Variants in LRFN5 observed in about 807,000 individuals in gnomAD.
LRFN5 encodes leucine-rich repeat and fibronectin type-III domain-containing protein 5.
LRFN5 carries 24 observed loss-of-function variants against 45.6 expected under a neutral mutation model. That is an observed-to-expected ratio of 0.53 (90% CI 0.38 to 0.74). The LOEUF is 0.74. Among genes scored for constraint, LRFN5 ranks in the 30% least tolerant of loss-of-function variants. LRFN5 has a pLI of 0.00. For missense variants in LRFN5, 776 were observed against 861.5 expected (o/e 0.90, Z 1.24); for synonymous variants, 340 against 313.8 (o/e 1.08, Z -0.88).
At chr14:41,807,894 C>A (rs996362602) in intron 2 of LRFN5, among the ~76,000 whole-genome samples, 6 of 151,858 alleles carry the variant, frequency 4.0e-5, no homozygotes, top group Non-Finnish European at 7.4e-5. Context: ...GAGGCTGACG[C>A]CATCGAAGTG....
intron 1 of LRFN5, among the ~76,000 whole-genome samples, chr14:41,761,056 TAGATA>T (rs772520212): frequency 2.6e-5 from 4 of 152,122 alleles, no homozygotes; most frequent in Non-Finnish European, 4.4e-5. Context: ...AAACTTGAAA[TAGATA>T]AGATATTGAT....
intron 2 of LRFN5, among the ~76,000 whole-genome samples, chr14:41,775,332 G>A (rs1429105080): frequency 1.3e-5 from 2 of 151,928 alleles, no homozygotes; most frequent in East Asian, 1.9e-4. Flanking sequence ...CTCGTGATCC[G>A]CCCACCTCCG....
At chr14:41,788,617 C>T (rs1886813014) in intron 2 of LRFN5, among the ~76,000 whole-genome samples, 1 of 152,038 alleles carries the variant, frequency 6.6e-6, no homozygotes, top group Non-Finnish European at 1.5e-5. Context: ...CTGAAGACAA[C>T]TATAAACAAT....
chr14:41,656,395 A>G (rs1218411716), intron 1 of LRFN5, among the ~76,000 whole-genome samples: 1 of 151,956 alleles, frequency 6.6e-6, no homozygotes, highest in Non-Finnish European at 1.5e-5. Flanking sequence ...ACCGAATTTT[A>G]TTCTTGTTTG....
chr14:41,693,039 A>C (rs1882450635), intron 1 of LRFN5, among the ~76,000 whole-genome samples: 2 of 152,094 alleles, frequency 1.3e-5, no homozygotes, highest in Non-Finnish European at 2.9e-5. Flanking sequence ...AGTATCAATT[A>C]ACTATATGTG....
intron 2 of LRFN5, among the ~76,000 whole-genome samples, chr14:41,846,044 T>C (rs1889050144): frequency 7.3e-6 from 1 of 136,566 alleles, no homozygotes; most frequent in Non-Finnish European, 1.7e-5. Flanking sequence ...ACTAAAAAAC[T>C]GTACAGATGA....
chr14:41,628,447 A>T (rs976541750), intron 1 of LRFN5, among the ~76,000 whole-genome samples: 1 of 152,100 alleles, frequency 6.6e-6, no homozygotes, highest in Non-Finnish European at 1.5e-5. Flanking sequence ...TACAAAAAAA[A>T]TTAATAACTT....
intron 2 of LRFN5, among the ~76,000 whole-genome samples, chr14:41,804,518 T>G (rs1412669343): frequency 6.6e-6 from 1 of 152,168 alleles, no homozygotes; most frequent in Non-Finnish European, 1.5e-5. Flanking sequence ...TATGTCTACA[T>G]CTTGGCAGAA....
intron 1 of LRFN5, among the ~76,000 whole-genome samples, chr14:41,716,566 T>G (rs1310592917): frequency 6.6e-6 from 1 of 152,132 alleles, no homozygotes; most frequent in Non-Finnish European, 1.5e-5. Context: ...AGAGTCACCC[T>G]TATTCCAGTT....
chr14:41,776,917 T>C (rs1404413042), intron 2 of LRFN5, among the ~76,000 whole-genome samples: 1 of 152,062 alleles, frequency 6.6e-6, no homozygotes, highest in Non-Finnish European at 1.5e-5. Context: ...ATGTTTTCCA[T>C]ACTTATAACC....
intron 1 of LRFN5, among the ~76,000 whole-genome samples, chr14:41,726,623 TA>T (rs139249320): frequency 0.16 from 23,648 of 151,952 alleles, 2,158 homozygotes; most frequent in Non-Finnish European, 0.22. Context: ...ATGGTTCATA[TA>T]TTTTTTTCTA....
chr14:41,858,382 C>T (rs932493964), intron 2 of LRFN5, among the ~76,000 whole-genome samples: 1 of 152,124 alleles, frequency 6.6e-6, no homozygotes, highest in Non-Finnish European at 1.5e-5. Flanking sequence ...ATGCCTATTT[C>T]CAGTAAAAAA....
chr14:41,853,729 A>G (rs1217126883), intron 2 of LRFN5, among the ~76,000 whole-genome samples: 3 of 152,124 alleles, frequency 2.0e-5, no homozygotes, highest in Non-Finnish European at 4.4e-5. Flanking sequence ...ATTTAAAACC[A>G]TGGGGAATGG....
chr14:41,621,573 T>C (rs115626028), intron 1 of LRFN5, among the ~76,000 whole-genome samples: 78 of 152,262 alleles, frequency 5.1e-4, no homozygotes, highest in African/African-American at 1.8e-3. Flanking sequence ...CCCGAGCTTG[T>C]TGGAGTTCAG....
chr14:41,725,854 A>G (rs1349619846), intron 1 of LRFN5, among the ~76,000 whole-genome samples: 1 of 152,146 alleles, frequency 6.6e-6, no homozygotes, highest in Non-Finnish European at 1.5e-5. Flanking sequence ...ATTTACTTTT[A>G]ACTCTCCAAT....
chr14:41,693,957 G>C (rs1026346576), intron 1 of LRFN5, among the ~76,000 whole-genome samples: 14 of 151,962 alleles, frequency 9.2e-5, no homozygotes, highest in African/African-American at 3.1e-4. Context: ...AATAGTAGTT[G>C]CTGAGAGATT....
chr14:41,639,676 C>A (rs760650304), intron 1 of LRFN5, among the ~76,000 whole-genome samples: 1 of 152,082 alleles, frequency 6.6e-6, no homozygotes, highest in South Asian at 2.1e-4. Context: ...TAATTCTGGA[C>A]TGTATGGAAC....
intron 1 of LRFN5, among the ~76,000 whole-genome samples, chr14:41,671,616 C>CTTTTTTT (rs1566613142): frequency 5.4e-5 from 2 of 37,218 alleles, no homozygotes; most frequent in East Asian, 1.7e-3. Context: ...TTTTTTTTTT[C>CTTTTTTT]GTTTTTTTTT....
intron 1 of LRFN5, among the ~76,000 whole-genome samples, chr14:41,765,494 G>T (rs568699639): frequency 6.6e-6 from 1 of 152,178 alleles, no homozygotes; most frequent in South Asian, 2.1e-4. Flanking sequence ...GGTTTTCTCC[G>T]AGGAGGACAT....
Sources: allele counts gnomAD v4.1 joint callset (sites outside exome capture counted in the v4.1 genomes callset), GRCh38; gene constraint gnomAD v4.1.1; transcripts MANE v1.5; gene names NCBI Gene and HGNC (gene_info 2026-07-23, HGNC 2026-07-21).